MYRIP: variants seen among roughly 807,000 people sequenced by gnomAD.
MYRIP encodes the protein myosin VIIA and Rab interacting protein.
Under a neutral mutation model 98.0 loss-of-function variants are expected in MYRIP, and 49 were observed. The observed-to-expected ratio is 0.50, with a 90% CI of 0.40 to 0.63. The LOEUF (loss-of-function observed/expected upper bound fraction) is 0.63, where lower values mean the gene tolerates loss of function less well. MYRIP is among the 30% of genes least tolerant of loss of function. The probability of loss-of-function intolerance (pLI) is 0.00; values close to 1 mark genes in which losing one functional copy is unlikely to be tolerated. For synonymous variants in MYRIP, 404 were observed against 409.5 expected, an observed-to-expected ratio of 0.99 and a Z score of 0.16; for missense variants, 1,004 against 1,058.2, an observed-to-expected ratio of 0.95 and a Z score of 0.71.
At chr3:40,160,172 G>C (rs1319793841) in intron 4 of MYRIP, among the ~76,000 whole-genome samples, 2 of 152,288 alleles carry the variant, frequency 1.3e-5, no homozygotes, top group African/African-American at 4.8e-5. Flanking sequence ...ATGGGTTTTT[G>C]GTGTGGATAT....
chr3:39,889,063 A>C (rs1219704347), intron 1 of MYRIP, among the ~76,000 whole-genome samples: 5 of 151,942 alleles, frequency 3.3e-5, no homozygotes, highest in Admixed American at 1.3e-4. Flanking sequence ...AAATAGGAAC[A>C]CTTTTACACT....
In MYRIP at chr3:40,170,077, C is replaced by A; in HGVS notation, c.857C>A (p.Ala286Asp). The change falls in exon 8 of 17, where the codon GCT becomes GAT. Residue 286 changes from alanine to aspartate, a missense_variant. Physicochemically the swap from Ala to Asp is moderately radical, Grantham distance 126 (BLOSUM62 -2). Around this residue, in one of 3 missense-constraint regions of MYRIP, gnomAD observed 880 missense variants for 907.7 expected, o/e 0.97. Transcript: ENST00000302541. Reference sequence around the variant, plus strand: ...TCAGCATCCCCTGGAGGCTACCGTGCTCCCGCTGCCCTCTGGGTGAGTCCC... The same window carrying A: ...TCAGCATCCCCTGGAGGCTACCGTGATCCCGCTGCCCTCTGGGTGAGTCCC... The part of the protein sequence containing the change: ...GTSASPGGYR[A>D]PAALWRSQSA... 4.3e-6 allele frequency: 7 copies of A among 1,614,200 alleles called. No homozygotes were observed. Among genetic ancestry groups the A allele is most frequent in the Non-Finnish European group, 5.9e-6 (7 of 1,180,036 alleles).
intron 2 of MYRIP, among the ~76,000 whole-genome samples, chr3:39,952,297 A>G (rs1405870293): frequency 2.6e-5 from 4 of 152,004 alleles, no homozygotes; most frequent in East Asian, 1.9e-4. Context: ...CATTCACTCA[A>G]TGCATTGTTT....
chr3:40,189,464 G>A (rs768593555), intron 9 of MYRIP, among the ~76,000 whole-genome samples: 39 of 152,314 alleles, frequency 2.6e-4, no homozygotes, highest in African/African-American at 8.7e-4. Context: ...CAAGGTCAAA[G>A]AGCCAGAAGC....
At chr3:39,837,600 G>A (rs1212655644) in intron 1 of MYRIP, among the ~76,000 whole-genome samples, 1 of 152,194 alleles carries the variant, frequency 6.6e-6, no homozygotes, top group African/African-American at 2.4e-5. Flanking sequence ...CCAGTACCAT[G>A]CTGTTTTGGT....
intron 13 of MYRIP, among the ~76,000 whole-genome samples, chr3:40,247,641 A>T (rs1953247947): frequency 6.6e-6 from 1 of 152,154 alleles, no homozygotes; most frequent in African/African-American, 2.4e-5. Context: ...CTCTTGCCTC[A>T]GCCTCCCGAG....
intron 2 of MYRIP, among the ~76,000 whole-genome samples, chr3:39,975,995 A>G (rs1365658348): frequency 6.6e-6 from 1 of 152,240 alleles, no homozygotes; most frequent in Non-Finnish European, 1.5e-5. Context: ...ATGGGCAAGG[A>G]CTTCATGTCT....
chr3:39,990,571 G>A (rs1052726186), intron 2 of MYRIP, among the ~76,000 whole-genome samples: 2 of 152,202 alleles, frequency 1.3e-5, no homozygotes, highest in East Asian at 3.8e-4. Flanking sequence ...AGACATTCAA[G>A]GGCTGATACT....
In MYRIP at chr3:40,188,607, G is replaced by A. The variant is rs570068426; in HGVS notation, c.1028-1219G>A. The stretch of plus-strand genomic sequence containing the variant: ...AGCCTGACCAACATGGTTAAACCCC[G>A]CCTCTACTAAAAATGCATAAGTAGC... On this transcript the variant is annotated intron_variant, in intron 9 of 16. Coordinates refer to ENST00000302541, the MANE Select transcript of MYRIP (RefSeq NM_015460.4). Among the ~76,000 whole-genome samples the A allele has an allele frequency of 1.9e-3, 295 of 152,154 alleles. 1 individual carries two copies. Among genetic ancestry groups the A allele is most frequent in the African/African-American group, 3.5e-3 (146 of 41,532 alleles).
intron 2 of MYRIP, among the ~76,000 whole-genome samples, chr3:39,943,724 T>C (rs35395404): frequency 0.07 from 10,677 of 152,248 alleles, 410 homozygotes; most frequent in Middle Eastern, 0.092. Context: ...TACAGACCCT[T>C]GGAGCCCTAT....
intron 3 of MYRIP, among the ~76,000 whole-genome samples, chr3:40,084,129 T>G (rs1575524185): frequency 1.5e-5 from 1 of 64,626 alleles, no homozygotes; most frequent in African/African-American, 6.7e-5. Context: ...AGATCGAGAC[T>G]CCATCTCAAA....
rs573098597 is a variant in MYRIP at position 40,041,520 on chromosome 3, A to G, written c.111-2530A>G. Among the ~76,000 whole-genome samples, 355 of 150,734 alleles carry G rather than the reference A, an allele frequency of 2.4e-3. 2 individuals are homozygous for G. The highest frequency in any genetic ancestry group is 3.0e-3 in the Non-Finnish European group (203 of 67,682). On this transcript the variant is annotated intron_variant, in intron 2 of 16. Transcript: ENST00000302541. The stretch of plus-strand genomic sequence containing the variant: ...GGAACCATCACACAAATCCAAACTG[A>G]GGAACATTCGACAAAATAGCCTGTA...
At chr3:40,121,014 G>T (rs906589753) in intron 3 of MYRIP, among the ~76,000 whole-genome samples, 1 of 152,134 alleles carries the variant, frequency 6.6e-6, no homozygotes, top group East Asian at 1.9e-4. Flanking sequence ...AATCAAGCAT[G>T]AGGGTGGAGC....
intron 2 of MYRIP, among the ~76,000 whole-genome samples, chr3:39,993,154 G>A (rs951490418): frequency 2.0e-5 from 3 of 152,106 alleles, no homozygotes; most frequent in Non-Finnish European, 4.4e-5. Context: ...ATGACAGAAA[G>A]GCAAAAGAAA....
At chr3:39,841,292 G>C (rs1335708482) in intron 1 of MYRIP, among the ~76,000 whole-genome samples, 2 of 151,980 alleles carry the variant, frequency 1.3e-5, no homozygotes, top group African/African-American at 4.8e-5. Context: ...GTGTTTTTCA[G>C]CTCCATCAGG....
intron 2 of MYRIP, among the ~76,000 whole-genome samples, chr3:39,916,213 A>T (rs574798782): frequency 1.3e-5 from 2 of 152,174 alleles, no homozygotes; most frequent in African/African-American, 4.8e-5. Context: ...GACATTAAAA[A>T]TTTTTCAATA....
At chr3:39,819,388 G>T (rs1045560660) in intron 1 of MYRIP, among the ~76,000 whole-genome samples, 1 of 152,094 alleles carries the variant, frequency 6.6e-6, no homozygotes, top group African/African-American at 2.4e-5. Context: ...ACTGGTAAGA[G>T]TTTAAATGGT....
At chr3:40,032,606 G>A (rs1339415799) in intron 2 of MYRIP, among the ~76,000 whole-genome samples, 2 of 152,066 alleles carry the variant, frequency 1.3e-5, no homozygotes, top group Admixed American at 6.6e-5. Flanking sequence ...AAGAGTCCAG[G>A]ACAAAATGGA....
rs183493373 is a variant in MYRIP, at chr3:40,145,570, T to C, written c.333-5478T>C. Among the ~76,000 whole-genome samples the C allele has an allele frequency of 2.6e-5, 4 of 152,314 alleles. No homozygotes were observed. In the East Asian group the frequency reaches 7.7e-4, roughly 29 times the overall value. ...GGCGACTCTTTCAGGGGTTTCTCTT[T>C]AATGTGAGGCCACTTTGAGAGGGAC... On this transcript the variant is annotated intron_variant, in intron 3 of 16. Transcript: ENST00000302541.
Sources: gnomAD v4.1 joint callset for allele counts (sites outside exome capture counted in the v4.1 genomes callset) on GRCh38, gnomAD v4.1.1 for gene constraint, gnomAD v4.1.1 regional missense constraint, MANE v1.5 for transcripts, NCBI Gene and HGNC (gene_info 2026-07-23, HGNC 2026-07-21) for gene names.